Variants in MGAT5B observed in about 807,000 individuals in gnomAD.
MGAT5B encodes the protein alpha-1,6-mannosylglycoprotein 6-beta-N-acetylglucosaminyltransferase B.
MGAT5B carries 54 observed loss-of-function variants against 95.1 expected under a neutral mutation model. The observed-to-expected ratio is 0.57, with a 90% CI of 0.46 to 0.71. MGAT5B has a LOEUF of 0.71. Among genes scored for constraint, MGAT5B ranks in the 30% least tolerant of loss-of-function variants. MGAT5B has a pLI of 0.00. For missense variants in MGAT5B, 935 were observed against 1,088.6 expected (o/e 0.86, Z 1.99); for synonymous variants, 464 against 451.0 (o/e 1.03, Z -0.36).
intron 8 of MGAT5B, among the ~76,000 whole-genome samples, chr17:76,922,750 AG>A (rs1357872298): frequency 6.6e-6 from 1 of 152,188 alleles, no homozygotes; most frequent in African/African-American, 2.4e-5. Context: ...TGTTGGAAGG[AG>A]GGGAAGACAG....
intron 3 of MGAT5B, among the ~76,000 whole-genome samples, chr17:76,901,957 G>A (rs532321095): frequency 3.3e-4 from 50 of 152,384 alleles, no homozygotes; most frequent in South Asian, 1.2e-3. Flanking sequence ...CGTGCAGATA[G>A]GGTCACATGT....
rs200015788 is a variant in MGAT5B, at chr17:76,925,074, G to A, written c.1134G>A (p.Met378Ile). The A allele has an allele frequency of 6.2e-7, 1 of 1,611,272 alleles. No individual in the cohort carries two copies. The highest frequency in any genetic ancestry group is 1.3e-5 in the African/African-American group (1 of 74,518). ...GCCTGCAGCAGATGAAGCGGCACAT[G>A]GGACTCTCCTTCAAGAAGTACCGGT... ...YHGLQQMKRH[M>I]GLSFKKYRCR... Residue 378 changes from methionine (M) to isoleucine (I), a missense_variant, in exon 9 of 18, where the codon ATG becomes ATA. Coordinates refer to ENST00000569840, the MANE Select transcript of MGAT5B (RefSeq NM_001199172.2).
intron 2 of MGAT5B, among the ~76,000 whole-genome samples, chr17:76,877,622 T>A (rs952668279): frequency 1.3e-5 from 2 of 152,150 alleles, no homozygotes; most frequent in African/African-American, 4.8e-5. Flanking sequence ...GGCCTGTCCT[T>A]GTCTTCTCTG....
intron 10 of MGAT5B, among the ~76,000 whole-genome samples, 158 bp from the exon 11 acceptor site, chr17:76,932,487 G>T (rs1226679977): frequency 6.6e-6 from 1 of 152,068 alleles, no homozygotes; most frequent in African/African-American, 2.4e-5. Context: ...GGGGTCACAG[G>T]CCGGGGCACT....
rs140807846 is a variant in MGAT5B at position 76,895,085 on chromosome 17, G to A, written c.330-7470G>A. On this transcript the variant is annotated intron_variant, in intron 3 of 17. Coordinates refer to ENST00000569840, the MANE Select transcript of MGAT5B (RefSeq NM_001199172.2). ...TATTTACGGCTGCTCCTCATCGCTC[G>A]CGTTACCACTTGAGCTCCGCCTCCT... is the stretch of plus-strand genomic sequence containing the variant. 5.8e-4 allele frequency among the ~76,000 whole-genome samples: 88 copies of A among 152,202 alleles called. No homozygotes were observed. In the East Asian group the frequency reaches 0.015, roughly 27 times the overall value.
rs748930836 is a variant in MGAT5B at position 76,948,001 on chromosome 17, G to T, written c.2095G>T (p.Ala699Ser). 3.1e-6 allele frequency: 5 copies of T among 1,612,606 alleles called. No individual in the cohort carries two copies. Among genetic ancestry groups the T allele is most frequent in the Non-Finnish European group, 3.4e-6 (4 of 1,179,476 alleles). Residue 699 changes from alanine to serine, a missense_variant, in exon 17 of 18, where the codon GCC (alanine) becomes TCC (serine). Physicochemically the swap from Ala to Ser is moderately conservative, Grantham distance 99. This residue lies in a region of MGAT5B where 440 missense variants were observed against 523.6 expected (regional missense o/e 0.84). Transcript: ENST00000569840. ...GGCCTGGCTGGCCGTGCCTGGGAGG[G>T]CCTGCACCGACACCTGCCTGGACCA... ...LRAWLAVPGR[A>S]CTDTCLDHGL...
chr17:76,894,046 T>C (rs1182759248), intron 3 of MGAT5B, among the ~76,000 whole-genome samples: 1 of 152,176 alleles, frequency 6.6e-6, no homozygotes, highest in Non-Finnish European at 1.5e-5. Flanking sequence ...AAGCCAGTGT[T>C]CCACTTGTGG....
rs141599180 is a variant in MGAT5B at position 76,913,249 on chromosome 17, C to T, written c.1025+7062C>T. Among the ~76,000 whole-genome samples the T allele has an allele frequency of 6.7e-3, 1,013 of 152,312 alleles. 13 individuals carry two copies. The highest frequency in any genetic ancestry group is 0.023 in the African/African-American group (973 of 41,564). ...AAGGTGGGGACTCCATCTGCTTCCTCCCGCACAATCCACTGTGACCAGCTG... is the reference window on the plus strand; with the variant it reads ...AAGGTGGGGACTCCATCTGCTTCCTTCCGCACAATCCACTGTGACCAGCTG... On this transcript the variant is annotated intron_variant, in intron 8 of 17. Coordinates refer to ENST00000569840, the MANE Select transcript of MGAT5B (RefSeq NM_001199172.2).
intron 12 of MGAT5B, among the ~76,000 whole-genome samples, chr17:76,936,076 A>C (rs1233276474): frequency 6.6e-6 from 1 of 151,310 alleles, no homozygotes; most frequent in Non-Finnish European, 1.5e-5. Context: ...GCTGGGTTAC[A>C]GGCATGAGCC....
chr17:76,941,616 T>G (rs1321344295), intron 15 of MGAT5B, among the ~76,000 whole-genome samples: 1 of 152,202 alleles, frequency 6.6e-6, no homozygotes, highest in Non-Finnish European at 1.5e-5. Flanking sequence ...ATCCAGCACT[T>G]TGGGAGGCCG....
intron 3 of MGAT5B, among the ~76,000 whole-genome samples, chr17:76,888,163 G>A (rs1967731862): frequency 6.6e-6 from 1 of 152,108 alleles, no homozygotes; most frequent in African/African-American, 2.4e-5. Flanking sequence ...TTTTTGTTTG[G>A]AAGAGAGGAG....
intron 3 of MGAT5B, among the ~76,000 whole-genome samples, chr17:76,894,834 C>T (rs371595411): frequency 1.4e-5 from 2 of 144,886 alleles, no homozygotes; most frequent in Admixed American, 1.4e-4. Context: ...GCCTGGGTGA[C>T]GGAGTGAGAC....
At chr17:76,877,707 A>G (rs1967244164) in intron 2 of MGAT5B, among the ~76,000 whole-genome samples, 1 of 152,092 alleles carries the variant, frequency 6.6e-6, no homozygotes, top group Non-Finnish European at 1.5e-5. Context: ...AAATGTGCGC[A>G]TTTCTCCAGC....
At chr17:76,913,755 C>A in intron 8 of MGAT5B, 2 of 489,740 alleles carry the variant, frequency 4.1e-6, no homozygotes, top group Admixed American at 2.2e-5. Context: ...GGAGATGTGG[C>A]CAGCAACACA....
At chr17:76,927,268 G>A (rs183162209) in intron 10 of MGAT5B, among the ~76,000 whole-genome samples, 34 of 152,178 alleles carry the variant, frequency 2.2e-4, no homozygotes, top group East Asian at 5.8e-4. Flanking sequence ...ACAGGATCTC[G>A]CTCTATTGGT....
intron 3 of MGAT5B, among the ~76,000 whole-genome samples, chr17:76,897,045 A>G (rs1968086950): frequency 6.6e-6 from 1 of 152,046 alleles, no homozygotes; most frequent in South Asian, 2.1e-4. Flanking sequence ...CAATCTGAGT[A>G]GCTGGGACCA....
At chr17:76,909,297 ATCTAT>A (rs1276429554) in intron 8 of MGAT5B, among the ~76,000 whole-genome samples, 4 of 152,074 alleles carry the variant, frequency 2.6e-5, no homozygotes, top group African/African-American at 9.7e-5. Flanking sequence ...TATTCCTTCT[ATCTAT>A]CTATATGTTT....
chr17:76,932,098 C>A (rs1383117771), intron 10 of MGAT5B, among the ~76,000 whole-genome samples: 1 of 110,842 alleles, frequency 9.0e-6, no homozygotes, highest in African/African-American at 3.6e-5. Context: ...CCCCCCCCTT[C>A]TTCGTCTTTG....
At chr17:76,931,649 A>G (rs1027357257) in intron 10 of MGAT5B, among the ~76,000 whole-genome samples, 8 of 152,180 alleles carry the variant, frequency 5.3e-5, no homozygotes, top group South Asian at 2.1e-4. Flanking sequence ...ACTTTGGCAT[A>G]TGGGGTTTTG....
Sources: allele counts gnomAD v4.1 joint callset (sites outside exome capture counted in the v4.1 genomes callset), GRCh38; gene constraint gnomAD v4.1.1; regional missense constraint gnomAD v4.1.1; transcripts MANE v1.5; gene names NCBI Gene and HGNC (gene_info 2026-07-23, HGNC 2026-07-21).